Variants in CHD7 observed in about 807,000 individuals in gnomAD.
CHD7 encodes chromodomain helicase DNA binding protein 7, also known as ATP-dependent chromatin remodeler CHD7.
In CHD7, 24 loss-of-function variants were observed where a neutral mutation model predicts 307.3. The ratio of observed to expected loss-of-function variants is 0.08; its 90% CI spans 0.06 to 0.11. The LOEUF (loss-of-function observed/expected upper bound fraction) is 0.11, where lower values mean the gene tolerates loss of function less well. Ranked by LOEUF, CHD7 falls within the 10% of genes least tolerant of loss-of-function variation. The pLI, the probability that CHD7 is intolerant of heterozygous loss-of-function variation, is 1.00. For missense variants in CHD7, 3,106 were observed against 3,727.1 expected, an observed-to-expected ratio of 0.83 and a Z score of 4.34; for synonymous variants, 1,363 against 1,349.9, an observed-to-expected ratio of 1.01 and a Z score of -0.21.
chr8:60,781,505 G>A, intron 3 of CHD7, 75 bp downstream of exon 3: 1 of 1,448,150 alleles, frequency 6.9e-7, no homozygotes, highest in Non-Finnish European at 9.1e-7. Flanking sequence ...TACAGCCTAT[G>A]AAATGAGGGG....
chr8:60,849,851 C>G (rs530786704), intron 25 of CHD7, among the ~76,000 whole-genome samples: 151 of 152,296 alleles, frequency 9.9e-4, no homozygotes, highest in African/African-American at 3.5e-3. Context: ...GCTGTTCTGC[C>G]TATGTACTGC....
chr8:60,854,782 T>C (rs569920161), intron 32 of CHD7, among the ~76,000 whole-genome samples: 1 of 152,200 alleles, frequency 6.6e-6, no homozygotes, highest in Admixed American at 6.5e-5. Flanking sequence ...GGATTGATCT[T>C]TGGCTCCATG....
intron 1 of CHD7, among the ~76,000 whole-genome samples, chr8:60,738,551 G>C (rs747613190): frequency 1.3e-5 from 2 of 152,064 alleles, no homozygotes; most frequent in Admixed American, 6.6e-5. Flanking sequence ...ATGCAGCTGC[G>C]ACTTGGGAAA....
At chr8:60,816,624 T>G (rs931725878) in intron 8 of CHD7, 123 bp downstream of exon 8, 29 of 619,750 alleles carry the variant, frequency 4.7e-5, no homozygotes, top group South Asian at 2.5e-4. Flanking sequence ...AACTTGCATA[T>G]TGGTAACTGG....
In CHD7 at chr8:60,787,258, C is replaced by T. The variant is rs559249116; in HGVS notation, c.2096+5828C>T. On this transcript the variant is annotated intron_variant, in intron 3 of 37. Coordinates refer to ENST00000423902, the MANE Select transcript of CHD7 (RefSeq NM_017780.4). ...ACCTGATTGAAATGTGGGTGGGCAG[C>T]ATGGCTCATTTGTTGTGTTAGCCAC... 1.1e-3 allele frequency among the ~76,000 whole-genome samples: 161 copies of T among 152,246 alleles called. 4 individuals carry two copies. The highest frequency in any genetic ancestry group is 7.9e-3 in the Admixed American group (121 of 15,292).
Position 60,742,537 on chromosome 8 carries a change from C to G in CHD7, c.1105C>G (p.Pro369Ala), listed in dbSNP as rs766747354. The G allele has an allele frequency of 1.1e-4, 181 of 1,613,872 alleles. No individual in the cohort carries two copies. Among genetic ancestry groups the G allele is most frequent in the Middle Eastern group, 1.6e-4 (1 of 6,084 alleles). The change falls in exon 2 of 38, where the codon CCC (proline) becomes GCC (alanine). Residue 369 changes from proline (P) to alanine (A), a missense_variant. This residue lies in a region of CHD7 where 998 missense variants were observed against 1,004.5 expected (regional missense o/e 0.99). Coordinates refer to ENST00000423902, the MANE Select transcript of CHD7 (RefSeq NM_017780.4). ...QGLMHQQPIH[P>A]SGSLNQMNTQ... is the part of the protein sequence containing the mutation. ...ACTAATGCACCAGCAGCCCATCCAC[C>G]CCAGTGGCTCACTTAACCAAATGAA...
In CHD7 at chr8:60,726,295, A is replaced by G. The variant is rs78494811; in HGVS notation, c.-174-14964A>G. Among the ~76,000 whole-genome samples, 244 of 152,314 alleles carry G rather than the reference A, an allele frequency of 1.6e-3. 6 individuals are homozygous for G. The East Asian group carries it at 0.038, about 23-fold the overall frequency. ...GAAGCTAGTAAAGTTAGCCTCTTAG[A>G]GTGAAGGGACTTTTGCCATTCTCTT... On this transcript the variant is annotated intron_variant, in intron 1 of 37. Transcript: ENST00000423902.
At chr8:60,736,712 C>T (rs1359362087) in intron 1 of CHD7, among the ~76,000 whole-genome samples, 6 of 152,146 alleles carry the variant, frequency 3.9e-5, no homozygotes, top group South Asian at 2.1e-4. Flanking sequence ...CTCTTGCCCA[C>T]GTGTTGGCTG....
At chr8:60,842,346 G>A (rs1209277708) in intron 21 of CHD7, among the ~76,000 whole-genome samples, 1 of 152,134 alleles carries the variant, frequency 6.6e-6, no homozygotes, top group Non-Finnish European at 1.5e-5. Flanking sequence ...AGAACAAAGT[G>A]TCAAAATTAT....
rs1805711234 is a variant in CHD7 at position 60,856,432 on chromosome 8, A to C, written c.7165-13A>C. ...GCTCACTGCAACTCTGTTCTGTTGG[A>C]ATTTTTCAATAGGAAGATGCCCTCA... On this transcript the variant is annotated splice_polypyrimidine_tract_variant and intron_variant, in intron 33 of 37. Coordinates refer to ENST00000423902, the MANE Select transcript of CHD7 (RefSeq NM_017780.4). The C allele has an allele frequency of 6.3e-7, 1 of 1,599,678 alleles. No individual in the cohort carries two copies. The highest frequency in any genetic ancestry group is 2.2e-5 in the East Asian group (1 of 44,642).
At chr8:60,826,406 T>C (rs1804255697) in intron 13 of CHD7, among the ~76,000 whole-genome samples, 1 of 152,278 alleles carries the variant, frequency 6.6e-6, no homozygotes, top group African/African-American at 2.4e-5. Flanking sequence ...AACAGCTCGT[T>C]GTCTGGTCTT....
chr8:60,689,360 G>C (rs1806078665), intron 1 of CHD7, among the ~76,000 whole-genome samples: 1 of 152,214 alleles, frequency 6.6e-6, no homozygotes, highest in African/African-American at 2.4e-5. Flanking sequence ...ATTTTGCTAA[G>C]CTATTTACAT....
At chr8:60,717,771 A>C (rs567669818) in intron 1 of CHD7, among the ~76,000 whole-genome samples, 1 of 152,178 alleles carries the variant, frequency 6.6e-6, no homozygotes, top group African/African-American at 2.4e-5. Flanking sequence ...GTAGAGCAAC[A>C]CATTACCCAT....
chr8:60,745,968 T>C (rs1162010087), intron 2 of CHD7, among the ~76,000 whole-genome samples: 1 of 152,238 alleles, frequency 6.6e-6, no homozygotes, highest in Admixed American at 6.5e-5. Flanking sequence ...GCTTCTGATC[T>C]CCTGAAGTGC....
chr8:60,856,813 G>C lies in CHD7; in HGVS notation c.7533G>C (p.Arg2511Ser), dbSNP rs1353592744. 2 of 1,603,560 alleles carry C rather than the reference G, an allele frequency of 1.2e-6. No individual in the cohort carries two copies. Among genetic ancestry groups the C allele is most frequent in the African/African-American group, 1.3e-5 (1 of 74,392 alleles). The change falls in exon 34 of 38, where the codon AGG becomes AGC. Residue 2511 changes from arginine to serine, a missense_variant. By Grantham distance (110) the Arg-to-Ser change is moderately radical. Coordinates refer to ENST00000423902, the MANE Select transcript of CHD7 (RefSeq NM_017780.4). ...SLVDGEPPMK[R>S]RRGRRKNVEG... ...TGGATGGAGAGCCTCCCATGAAGAG[G>C]AGGCGGGGAAGGAGGAAAAATGTGG...
At chr8:60,685,363 TAGC>T (rs1805830575) in intron 1 of CHD7, among the ~76,000 whole-genome samples, 1 of 152,228 alleles carries the variant, frequency 6.6e-6, no homozygotes, top group East Asian at 1.9e-4. Context: ...GCCTGATACA[TAGC>T]ACTTTGTAGG....
rs1434214027 is a variant in CHD7, at chr8:60,856,542, T to G, written c.7262T>G (p.Met2421Arg). The G allele has an allele frequency of 6.2e-7, 1 of 1,613,920 alleles. No homozygotes were observed. Among genetic ancestry groups the G allele is most frequent in the Non-Finnish European group, 8.5e-7 (1 of 1,179,842 alleles). Reference protein sequence around the residue: ...AERAAKRRNLMEMVAQLRESQ... With the variant: ...AERAAKRRNLREMVAQLRESQ... ...AGAGCTGCCAAGAGGCGAAATCTCA[T>G]GGAGATGGTTGCCCAGCTTCGAGAG... Residue 2421 changes from methionine (M) to arginine (R), a missense_variant, in exon 34 of 38, where the codon ATG becomes AGG. This residue lies in a region of CHD7 where 1,030 missense variants were observed against 1,165.4 expected (regional missense o/e 0.88). Coordinates refer to ENST00000423902, the MANE Select transcript of CHD7 (RefSeq NM_017780.4).
intron 1 of CHD7, among the ~76,000 whole-genome samples, chr8:60,731,367 G>T (rs991573297): frequency 4.6e-5 from 7 of 152,280 alleles, no homozygotes; most frequent in African/African-American, 1.7e-4. Context: ...AACTGCAAAA[G>T]TTACAGTCAC....
At chr8:60,832,040 G>C (rs1282428480) in intron 15 of CHD7, among the ~76,000 whole-genome samples, 1 of 151,076 alleles carries the variant, frequency 6.6e-6, no homozygotes, top group Non-Finnish European at 1.5e-5. Flanking sequence ...TTTTTTTCTT[G>C]AGATAGGTTC....
Sources: allele counts gnomAD v4.1 joint callset (sites outside exome capture counted in the v4.1 genomes callset), GRCh38; gene constraint gnomAD v4.1.1; regional missense constraint gnomAD v4.1.1; transcripts MANE v1.5; gene names NCBI Gene and HGNC (gene_info 2026-07-23, HGNC 2026-07-21).